The following TMLHE variants were observed in gnomAD, a reference collection of about 807,000 sequenced individuals.
The protein encoded by TMLHE is trimethyllysine hydroxylase, epsilon.
A neutral mutation model predicts 25.7 loss-of-function variants in TMLHE; 18 were observed. The ratio of observed to expected loss-of-function variants is 0.70; its 90% CI spans 0.48 to 1.04. TMLHE has a LOEUF of 1.04. Among genes scored for constraint, TMLHE ranks in the 50% least tolerant of loss-of-function variants. The pLI is 0.00. For synonymous variants in TMLHE, 105 were observed against 97.0 expected (o/e 1.08, Z -0.49); for missense variants, 236 against 259.0 (o/e 0.91, Z 0.61).
intron 1 of TMLHE, among the ~76,000 whole-genome samples, chrX:155,577,637 C>G (rs1488309111): frequency 9.0e-6 from 1 of 111,209 alleles, no homozygotes; most frequent in Non-Finnish European, 1.9e-5. Context: ...CCATCTCACA[C>G]CAGTCAGGTT....
At chrX:155,523,128 G>A (rs782370770) in intron 3 of TMLHE, among the ~76,000 whole-genome samples, 1 of 111,550 alleles carries the variant, frequency 9.0e-6, no homozygotes, top group African/African-American at 3.3e-5. Context: ...CTTTTCATGT[G>A]TTTATTCGCC....
At chrX:155,548,560 C>A (rs782030309) in intron 1 of TMLHE, among the ~76,000 whole-genome samples, 59 of 107,200 alleles carry the variant, frequency 5.5e-4, no homozygotes, top group African/African-American at 1.3e-3. Flanking sequence ...ATGGTGAAAC[C>A]CTGTCTCTAC....
In TMLHE at chrX:155,563,659, G is replaced by A. The variant is rs1557341993; in HGVS notation, c.-1-18382C>T. Among the ~76,000 whole-genome samples the A allele has an allele frequency of 3.2e-5, 2 of 61,744 alleles. 1 individual carries two copies. Among genetic ancestry groups the A allele is most frequent in the Non-Finnish European group, 9.1e-5 (2 of 22,042 alleles). The allele number at this position is 61,744 out of a possible 115,157, so 53.6% of individuals were successfully genotyped here. ...GATTTTTAGGTGGAAATATCAGAGA[G>A]GCAGTTGGATACATGAGTCTTGAGT... is the stretch of plus-strand genomic sequence containing the variant. On this transcript the variant is annotated intron_variant, in intron 1 of 7. Transcript: ENST00000334398.
chrX:155,577,043 AAAAG>A (rs1274381357), intron 1 of TMLHE, among the ~76,000 whole-genome samples: 2 of 112,172 alleles, frequency 1.8e-5, no homozygotes, highest in Admixed American at 9.4e-5. Context: ...TTTGCACAGC[AAAAG>A]AAACTATCAA....
intron 2 of TMLHE, among the ~76,000 whole-genome samples, chrX:155,540,141 G>A (rs1343430500): frequency 9.1e-6 from 1 of 109,592 alleles, no homozygotes; most frequent in Non-Finnish European, 1.9e-5. Context: ...AAGAAATGAT[G>A]GCTGAAAACT....
chrX:155,535,684 C>A (rs921221312), intron 2 of TMLHE, among the ~76,000 whole-genome samples: 4 of 111,877 alleles, frequency 3.6e-5, no homozygotes, highest in Non-Finnish European at 7.5e-5. Flanking sequence ...AGTGAGTTGG[C>A]AAGAGTAGCT....
intron 1 of TMLHE, among the ~76,000 whole-genome samples, chrX:155,558,858 T>C (rs2067476244): frequency 8.9e-6 from 1 of 111,956 alleles, no homozygotes; most frequent in Non-Finnish European, 1.9e-5. Context: ...TTCATTCATT[T>C]AAGATATGTA....
Position 155,604,197 on chromosome X carries a change from G to A in TMLHE, c.-2+8595C>T, listed in dbSNP as rs181897160. Among the ~76,000 whole-genome samples the A allele has an allele frequency of 2.8e-3, 307 of 110,570 alleles. 4 individuals are homozygous for A. The highest frequency in any genetic ancestry group is 9.4e-3 in the African/African-American group (284 of 30,356). On this transcript the variant is annotated intron_variant, in intron 1 of 7. Coordinates refer to ENST00000334398, the MANE Select transcript of TMLHE (RefSeq NM_018196.4). ...TTGTCAGTGGCTCTGTGTTGCTCTG[G>A]GGTGGAGCTCCCAGAGGCAAATGAA... is the stretch of plus-strand genomic sequence containing the variant.
intron 1 of TMLHE, among the ~76,000 whole-genome samples, chrX:155,559,105 C>G (rs1481900131): frequency 9.0e-6 from 1 of 111,514 alleles, no homozygotes; most frequent in South Asian, 3.7e-4. Context: ...CTTAAAGCAC[C>G]TTTCCTATTT....
At chrX:155,588,222 G>C (rs2067675905) in intron 1 of TMLHE, among the ~76,000 whole-genome samples, 1 of 111,851 alleles carries the variant, frequency 8.9e-6, no homozygotes, top group African/African-American at 3.2e-5. Context: ...ACTGATTTTT[G>C]ACAAAGATAC....
In TMLHE at chrX:155,524,493, C is replaced by A. The variant is rs1557336185; in HGVS notation, c.321G>T (p.Lys107Asn). 3 of 1,206,778 alleles carry A rather than the reference C, an allele frequency of 2.5e-6. No individual in the cohort carries two copies. The highest frequency in any genetic ancestry group is 3.4e-6 in the Non-Finnish European group (3 of 893,107). Residue 107 changes from lysine to asparagine, a missense_variant, in exon 3 of 8, where the codon AAG becomes AAT. By Grantham distance (94) the Lys-to-Asn change is moderately conservative. This residue lies in a region of TMLHE where 217 missense variants were observed against 214.6 expected (regional missense o/e 1.01). Coordinates refer to ENST00000334398, the MANE Select transcript of TMLHE (RefSeq NM_018196.4). ...TASVDLCIKP[K>N]TIRLDETTLF... The stretch of plus-strand genomic sequence containing the variant: ...GTGTGGTCTCATCCAGACGAATGGT[C>A]TTTGGCTTGATACATAAATCCACAC...
chrX:155,504,352 C>T (rs1385568801), intron 6 of TMLHE, among the ~76,000 whole-genome samples: 1 of 76,210 alleles, frequency 1.3e-5, no homozygotes, highest in Non-Finnish European at 2.5e-5. Flanking sequence ...CGTAAGATAC[C>T]GCTTCACAGC....
At chrX:155,607,516 C>A (rs377549313) in intron 1 of TMLHE, among the ~76,000 whole-genome samples, 3 of 110,898 alleles carry the variant, frequency 2.7e-5, no homozygotes, top group East Asian at 5.6e-4. Context: ...TGGAACAAGA[C>A]AAGGATGCCC....
chrX:155,528,910 T>G (rs183001221), intron 2 of TMLHE, among the ~76,000 whole-genome samples: 1 of 112,049 alleles, frequency 8.9e-6, no homozygotes, highest in African/African-American at 3.2e-5. Flanking sequence ...ATAAGGTTAT[T>G]CATAATAGTG....
chrX:155,541,001 A>G (rs1386392841), intron 2 of TMLHE, among the ~76,000 whole-genome samples: 1 of 111,408 alleles, frequency 9.0e-6, no homozygotes, highest in East Asian at 2.8e-4. Context: ...ATTAATGGTG[A>G]CCGATCTAAG....
At chrX:155,558,662 G>T (rs1557341240) in intron 1 of TMLHE, among the ~76,000 whole-genome samples, 1 of 111,609 alleles carries the variant, frequency 9.0e-6, no homozygotes, top group African/African-American at 3.2e-5. Flanking sequence ...TATTGACTGG[G>T]TCAATCCAAA....
At chrX:155,555,583 G>A (rs1240367744) in intron 1 of TMLHE, among the ~76,000 whole-genome samples, 1 of 111,092 alleles carries the variant, frequency 9.0e-6, no homozygotes, top group Non-Finnish European at 1.9e-5. Flanking sequence ...ACTGGCGTGA[G>A]ATGGTATCTC....
intron 1 of TMLHE, among the ~76,000 whole-genome samples, chrX:155,547,690 T>C (rs1183414332): frequency 2.8e-5 from 3 of 108,511 alleles, no homozygotes; most frequent in Non-Finnish European, 5.8e-5. Flanking sequence ...CATTGTTTTA[T>C]ATTAACTTAA....
At chrX:155,512,241 T>C (rs892981350) in intron 4 of TMLHE, among the ~76,000 whole-genome samples, 8 of 109,420 alleles carry the variant, frequency 7.3e-5, no homozygotes, top group African/African-American at 2.7e-4. Context: ...TATGTATACA[T>C]GTGCCATGCT....
Sources: allele counts gnomAD v4.1 joint callset (sites outside exome capture counted in the v4.1 genomes callset), GRCh38; gene constraint gnomAD v4.1.1; regional missense constraint gnomAD v4.1.1; transcripts MANE v1.5; gene names NCBI Gene and HGNC (gene_info 2026-07-23, HGNC 2026-07-21).